ANO1: variants seen among roughly 807,000 people sequenced by gnomAD.
ANO1 encodes the protein anoctamin-1.
A neutral mutation model predicts 124.0 loss-of-function variants in ANO1; 59 were observed. The ratio of observed to expected loss-of-function variants is 0.48; its 90% confidence interval spans 0.39 to 0.59. ANO1 has a LOEUF of 0.59. ANO1 is among the 20% of genes least tolerant of loss of function. ANO1 has a pLI of 0.00. For synonymous variants in ANO1, 529 were observed against 532.0 expected (o/e 0.99, Z 0.08); for missense variants, 1,059 against 1,328.0 (o/e 0.80, Z 3.15).
At position 70,147,941 on chromosome 11, in the gene ANO1, C is replaced by A. The variant is rs1486284751; in HGVS notation, c.1259-1769C>A. Among the ~76,000 whole-genome samples the A allele has an allele frequency of 2.0e-5, 3 of 152,176 alleles. No homozygotes were observed. In the East Asian group the frequency reaches 5.8e-4, roughly 29 times the overall value. On this transcript the variant is annotated intron_variant, in intron 11 of 25. Transcript: ENST00000355303. ...AGCAAGTCTCAGGATTAAGTTACTC[C>A]GCTATGAAAAGACCTGGGGTCGGCG... is the stretch of plus-strand genomic sequence containing the variant.
rs2047447835 is a variant in ANO1, at chr11:70,147,987, T to TG, written c.1259-1720dup. On this transcript the variant is annotated intron_variant, in intron 11 of 25. Transcript: ENST00000355303. ...CGGCGGGGGGTTCCTATTTCCAGGC[T>TG]GGGCCGGCCGATACAGTAGCCATCC... Among the ~76,000 whole-genome samples, 8 of 152,280 alleles carry TG rather than the reference T, an allele frequency of 5.3e-5. No homozygotes were observed. In the South Asian group the frequency reaches 1.7e-3, roughly 32 times the overall value.
intron 1 of ANO1, chr11:70,064,408 T>C (rs1264393653): frequency 6.6e-6 from 1 of 152,280 alleles, no homozygotes; most frequent in South Asian, 2.1e-4. Flanking sequence ...CCCTTGCTCT[T>C]AGCCTTTTTC....
intron 6 of ANO1, chr11:70,110,982 G>A (rs956334558): frequency 5.5e-6 from 2 of 366,828 alleles, no homozygotes; most frequent in African/African-American, 2.1e-5. Context: ...CGTAAAAAGG[G>A]GCCCTGCCAG....
At chr11:70,007,791 C>T (rs1263994326) in intron 1 of ANO1, among the ~76,000 whole-genome samples, 1 of 152,294 alleles carries the variant, frequency 6.6e-6, no homozygotes, top group East Asian at 1.9e-4. Flanking sequence ...ATTACTGGAT[C>T]AATTTTTCAT....
chr11:70,036,090 G>A (rs1228400955), intron 1 of ANO1, among the ~76,000 whole-genome samples: 2 of 152,156 alleles, frequency 1.3e-5, no homozygotes, highest in Non-Finnish European at 1.5e-5. Flanking sequence ...TCAACTGGGG[G>A]CCTTCAGCAA....
In ANO1 at chr11:70,161,318, T is replaced by C. The variant is rs544222909; in HGVS notation, c.1736T>C (p.Leu579Pro). The C allele has an allele frequency of 6.2e-7, 1 of 1,614,012 alleles. No individual in the cohort carries two copies. The highest frequency in any genetic ancestry group is 8.5e-7 in the Non-Finnish European group (1 of 1,179,892). Residue 579 changes from leucine to proline, a missense_variant, in exon 17 of 26, where the codon CTG becomes CCG. This residue lies in a region of ANO1 where 809 missense variants were observed against 1,094.9 expected (regional missense o/e 0.74). Coordinates refer to ENST00000355303, the MANE Select transcript of ANO1 (RefSeq NM_018043.7). Reference protein sequence around the residue: ...VIINLVVIILLDEVYGCIARW... With the variant: ...VIINLVVIILPDEVYGCIARW... The stretch of plus-strand genomic sequence containing the variant: ...ATCAACCTAGTGGTCATCATCCTCC[T>C]GGACGAGGTGTATGGCTGCATAGCC...
chr11:70,094,212 T>G (rs2044751560), intron 2 of ANO1, among the ~76,000 whole-genome samples: 2 of 151,924 alleles, frequency 1.3e-5, no homozygotes, highest in African/African-American at 4.8e-5. Flanking sequence ...AAGAGAAGGG[T>G]CTCCCTGCAT....
chr11:70,029,317 C>T (rs12223060), intron 1 of ANO1, among the ~76,000 whole-genome samples: 15,671 of 152,180 alleles, frequency 0.1, 1,197 homozygotes, highest in East Asian at 0.39. Flanking sequence ...TGAGGCCTCC[C>T]CCATGAGCTG....
chr11:70,113,363 C>T (rs1443106164), intron 7 of ANO1, among the ~76,000 whole-genome samples: 1 of 152,296 alleles, frequency 6.6e-6, no homozygotes, highest in East Asian at 1.9e-4. Flanking sequence ...CGGTTTGCCT[C>T]GGCCAGCGAC....
At chr11:70,018,817 A>G (rs1555002296) in intron 1 of ANO1, among the ~76,000 whole-genome samples, 1 of 152,184 alleles carries the variant, frequency 6.6e-6, no homozygotes, top group Non-Finnish European at 1.5e-5. Flanking sequence ...CCACACATTC[A>G]TTATGCATCT....
chr11:70,111,686 C>T, intron 6 of ANO1, 21 bp from the exon 7 acceptor site: 1 of 1,613,882 alleles, frequency 6.2e-7, no homozygotes, highest in South Asian at 1.1e-5. Context: ...CCATAACCTT[C>T]TCTCTGCCTC....
intron 22 of ANO1, among the ~76,000 whole-genome samples, chr11:70,179,052 C>T (rs377449264): frequency 2.0e-5 from 3 of 152,206 alleles, no homozygotes; most frequent in Admixed American, 6.5e-5. Context: ...ACCCCAAAAA[C>T]GGGGACTGGG....
intron 1 of ANO1, chr11:70,018,493 T>C (rs2134990538): frequency 6.6e-6 from 1 of 152,378 alleles, no homozygotes; most frequent in South Asian, 2.1e-4. Flanking sequence ...GGCTCGCTTC[T>C]GAGCTGGAGC....
intron 1 of ANO1, among the ~76,000 whole-genome samples, chr11:69,986,626 A>G (rs1856048240): frequency 6.6e-6 from 1 of 152,120 alleles, no homozygotes; most frequent in African/African-American, 2.4e-5. Context: ...TAAAGTCACT[A>G]CTATGACTCG....
chr11:70,165,433 TC>T (rs1206777988), intron 19 of ANO1, 36 bp from the exon 20 acceptor site: 11 of 1,550,256 alleles, frequency 7.1e-6, no homozygotes, highest in Non-Finnish European at 8.8e-6. Context: ...TCTCTCGGTG[TC>T]CCTGTAGCGT....
At chr11:70,142,894 G>A (rs769042919) in intron 11 of ANO1, among the ~76,000 whole-genome samples, 3 of 152,220 alleles carry the variant, frequency 2.0e-5, no homozygotes, top group Admixed American at 6.5e-5. Context: ...ATCCCATCAC[G>A]AGGACCCCAC....
intron 1 of ANO1, among the ~76,000 whole-genome samples, chr11:69,994,808 G>T (rs1353106753): frequency 1.3e-5 from 2 of 152,138 alleles, no homozygotes; most frequent in Non-Finnish European, 2.9e-5. Context: ...CACAAGTGGT[G>T]TGAGTTCAGA....
At chr11:70,035,588 T>C (rs1857080859) in intron 1 of ANO1, among the ~76,000 whole-genome samples, 2 of 151,690 alleles carry the variant, frequency 1.3e-5, no homozygotes, top group Admixed American at 6.6e-5. Context: ...GTTACATAGG[T>C]ATACAGGTGC....
the ANO1 span, among the ~76,000 whole-genome samples, chr11:69,978,901 T>C: frequency 6.6e-6 from 1 of 152,240 alleles, no homozygotes; most frequent in Non-Finnish European, 1.5e-5. Context: ...ATCTCAACTC[T>C]GTCTTATTGC....
Sources: gnomAD v4.1 joint callset for allele counts (sites outside exome capture counted in the v4.1 genomes callset) on GRCh38, gnomAD v4.1.1 for gene constraint, gnomAD v4.1.1 regional missense constraint, MANE v1.5 for transcripts, NCBI Gene and HGNC (gene_info 2026-07-23, HGNC 2026-07-21) for gene names.